The following IREB2 variants were observed in gnomAD, a reference collection of about 807,000 sequenced individuals.
The protein encoded by IREB2 is iron responsive element binding protein 2.
A neutral mutation model predicts 118.8 loss-of-function variants in IREB2; 39 were observed. The observed-to-expected ratio is 0.33, with a 90% CI of 0.25 to 0.43. The LOEUF is 0.43. Among genes scored for constraint, IREB2 ranks in the 20% least tolerant of loss-of-function variants. The pLI, the probability that IREB2 is intolerant of heterozygous loss-of-function variation, is 1.00. For synonymous variants in IREB2, 372 were observed against 392.2 expected (o/e 0.95, Z 0.61); for missense variants, 900 against 1,147.3 (o/e 0.78, Z 3.11).
rs751825559 is a variant in IREB2, at chr15:78,498,086, A to T, written c.2835A>T (p.Glu945Asp). The T allele has an allele frequency of 1.2e-6, 2 of 1,613,654 alleles. No homozygotes were observed. The highest frequency in any genetic ancestry group is 2.2e-5 in the South Asian group (2 of 91,060). ...SVIASFEDDVEITLYKHGGLL... is the reference protein window; with the variant it reads ...SVIASFEDDVDITLYKHGGLL... ...TTGCTTCGTTTGAAGATGATGTGGA[A>T]ATAACATTATACAAACATGGAGGAT... Residue 945 changes from glutamate to aspartate, a missense_variant, in exon 22 of 22, where the codon GAA (glutamate) becomes GAT (aspartate). Transcript: ENST00000258886.
At chr15:78,449,250 C>T (rs976754690) in intron 2 of IREB2, among the ~76,000 whole-genome samples, 1 of 152,042 alleles carries the variant, frequency 6.6e-6, no homozygotes, top group African/African-American at 2.4e-5. Context: ...ATGTATTTAC[C>T]GTATCCAGTT....
At chr15:78,464,775 C>G (rs922166889) in intron 3 of IREB2, among the ~76,000 whole-genome samples, 1 of 152,116 alleles carries the variant, frequency 6.6e-6, no homozygotes, top group East Asian at 1.9e-4. Flanking sequence ...AGAACTATGT[C>G]TTATTTGGCC....
At chr15:78,466,192 C>G in intron 4 of IREB2, 79 bp from the exon 5 acceptor site, 1 of 863,304 alleles carries the variant, frequency 1.2e-6, no homozygotes, top group Non-Finnish European at 1.8e-6. Context: ...GATAGCGTTG[C>G]TAATGTGCGT....
Position 78,490,403 on chromosome 15 carries a change from A to G in IREB2, c.2077-19A>G, listed in dbSNP as rs766063107. 5 of 1,541,176 alleles carry G rather than the reference A, an allele frequency of 3.2e-6. No individual in the cohort carries two copies. Among genetic ancestry groups the G allele is most frequent in the East Asian group, 2.2e-5 (1 of 44,570 alleles). Reference sequence around the variant, plus strand: ...CTTTTATCTTTGCTTTGGTTCATCAACGAAAACTGTATTCACAGATGGGGA... The same window carrying G: ...CTTTTATCTTTGCTTTGGTTCATCAGCGAAAACTGTATTCACAGATGGGGA... On this transcript the variant is annotated intron_variant, in intron 16 of 21. Transcript: ENST00000258886.
chr15:78,460,955 G>C (rs2051187146), intron 2 of IREB2, among the ~76,000 whole-genome samples: 1 of 152,142 alleles, frequency 6.6e-6, no homozygotes, highest in African/African-American at 2.4e-5. Flanking sequence ...TCTAGGTCTT[G>C]TGTGTGTATA....
intron 18 of IREB2, among the ~76,000 whole-genome samples, chr15:78,491,406 G>A (rs1042961241): frequency 1.3e-5 from 2 of 152,166 alleles, no homozygotes; most frequent in African/African-American, 4.8e-5. Flanking sequence ...TTGTAGTACT[G>A]CTACCTGATT....
intron 18 of IREB2, 82 bp from the exon 19 acceptor site, chr15:78,493,826 AT>A: frequency 7.5e-7 from 1 of 1,340,506 alleles, no homozygotes; most frequent in Non-Finnish European, 1.0e-6. Flanking sequence ...TGATAAAAAA[AT>A]TTTTCAATAG....
rs1411000549 is a variant in IREB2, at chr15:78,499,935, C to G, written c.*1792C>G. 3 of 152,584 alleles carry G rather than the reference C, an allele frequency of 2.0e-5. No homozygotes were observed. The highest frequency in any genetic ancestry group is 7.2e-5 in the African/African-American group (3 of 41,438). 9.5% of individuals were successfully genotyped at this position (152,584 alleles called of 1,614,324 possible). ...TGGCGCGATCTTGGCTCACTGCAAC[C>G]TCCGCCTCCCGGGTTCAGGGGATTC... On this transcript the variant is annotated 3_prime_UTR_variant, in exon 22 of 22. Transcript: ENST00000258886.
At chr15:78,451,133 T>G (rs1045529687) in intron 2 of IREB2, among the ~76,000 whole-genome samples, 9 of 151,816 alleles carry the variant, frequency 5.9e-5, no homozygotes, top group African/African-American at 2.2e-4. Context: ...CCTGGCTAAT[T>G]TTTTGTATTT....
chr15:78,494,036 C>T lies in IREB2; in HGVS notation c.2452C>T (p.His818Tyr), dbSNP rs764732556. The change falls in exon 19 of 22, where the codon CAT becomes TAT. Residue 818 changes from histidine to tyrosine, a missense_variant. His to Tyr is a moderately conservative substitution (Grantham distance 83, BLOSUM62 2). Coordinates refer to ENST00000258886, the MANE Select transcript of IREB2 (RefSeq NM_004136.4). ...TGGAAAACCAGCTCCTAAAACAATT[C>T]ATTTTCCATCAGGACAGACGGTGAG... The part of the protein sequence containing the change: ...FIGKPAPKTI[H>Y]FPSGQTLDVF... 1.9e-5 allele frequency: 30 copies of T among 1,613,974 alleles called. No individual in the cohort carries two copies. Among genetic ancestry groups the T allele is most frequent in the Non-Finnish European group, 2.4e-5 (28 of 1,179,992 alleles).
At chr15:78,485,600 A>G (rs1459576017) in intron 12 of IREB2, 105 bp from the exon 13 acceptor site, 2 of 1,159,150 alleles carry the variant, frequency 1.7e-6, no homozygotes, top group Non-Finnish European at 2.4e-6. Flanking sequence ...TTATGAATTC[A>G]TACTTTAATC....
At chr15:78,458,091 G>A (rs1216372448) in intron 2 of IREB2, among the ~76,000 whole-genome samples, 1 of 152,024 alleles carries the variant, frequency 6.6e-6, no homozygotes, top group African/African-American at 2.4e-5. Context: ...CCATTTTAGT[G>A]AGAAAATGTA....
intron 2 of IREB2, among the ~76,000 whole-genome samples, chr15:78,448,463 A>C (rs2050968104): frequency 6.6e-6 from 1 of 152,206 alleles, no homozygotes; most frequent in South Asian, 2.1e-4. Context: ...ATATATTTTA[A>C]AAGAGAGAAA....
At chr15:78,453,893 A>T (rs111388939) in intron 2 of IREB2, among the ~76,000 whole-genome samples, 1 of 152,218 alleles carries the variant, frequency 6.6e-6, no homozygotes, top group Non-Finnish European at 1.5e-5. Context: ...GGTTATAATC[A>T]TGTGTTTACA....
chr15:78,456,888 C>T (rs2051114350), intron 2 of IREB2, among the ~76,000 whole-genome samples: 1 of 152,018 alleles, frequency 6.6e-6, no homozygotes, highest in Non-Finnish European at 1.5e-5. Flanking sequence ...TGTTAAATTG[C>T]CCTTCTTATA....
At chr15:78,481,522 ATTT>A (rs145058390) in intron 10 of IREB2, among the ~76,000 whole-genome samples, 1 of 137,988 alleles carries the variant, frequency 7.2e-6, no homozygotes, top group Admixed American at 7.3e-5. Flanking sequence ...CACCTCGCTA[ATTT>A]TTTTTTTTTT....
In IREB2 at chr15:78,499,027, A is replaced by G. The variant is rs576835570; in HGVS notation, c.*884A>G. 1.8e-4 allele frequency: 27 copies of G among 152,356 alleles called. No individual in the cohort carries two copies. Among genetic ancestry groups the G allele is most frequent in the African/African-American group, 2.4e-4 (10 of 41,584 alleles). The allele number at this position is 152,356 out of a possible 1,614,324, so 9.4% of individuals were successfully genotyped here. A position where few individuals can be genotyped will look rare whatever the true frequency, so the allele number is the denominator to read the frequency against. ...TAGTTGCTAAAGAGAATGTTATTCA[A>G]TCATTAAACTCTGAACTGATTTCTT... On this transcript the variant is annotated 3_prime_UTR_variant, in exon 22 of 22. Transcript: ENST00000258886.
chr15:78,438,461 GCCCTCGGGGCTCGGGTTGTGCTC>G (rs1289306418), intron 1 of IREB2, 105 bp downstream of exon 1: 2 of 1,304,874 alleles, frequency 1.5e-6, no homozygotes, highest in African/African-American at 1.5e-5. Flanking sequence ...AGGCGCCCAG[GCCCTCGGGGCTCGGGTTGTGCTC>G]CCCTCGGGGC....
At chr15:78,483,504 G>T in intron 11 of IREB2, 70 bp downstream of exon 11, 1 of 831,462 alleles carries the variant, frequency 1.2e-6, no homozygotes, top group South Asian at 1.4e-5. Context: ...CCAACAAGGT[G>T]ACCCATAAAC....
Sources: allele counts gnomAD v4.1 joint callset (sites outside exome capture counted in the v4.1 genomes callset), GRCh38; gene constraint gnomAD v4.1.1; transcripts MANE v1.5; gene names NCBI Gene and HGNC (gene_info 2026-07-23, HGNC 2026-07-21).